RELN: variants seen among roughly 807,000 people sequenced by gnomAD.
RELN encodes reelin.
A neutral mutation model predicts 427.6 loss-of-function variants in RELN; 108 were observed. The observed-to-expected ratio is 0.25, with a 90% CI of 0.22 to 0.30. RELN has a LOEUF of 0.30. RELN is among the 10% of genes least tolerant of loss of function. RELN has a pLI of 1.00. For missense variants in RELN, 3,715 were observed against 4,302.8 expected (o/e 0.86, Z 3.82); for synonymous variants, 1,524 against 1,513.4 (o/e 1.01, Z -0.16).
chr7:103,636,125 T>C lies in RELN; in HGVS notation c.2303+110A>G. ...ACTGTAGGCTCCCTCCAACCCTAGT[T>C]AAAAATGAGATGTCTATCAGAAAAA... On this transcript the variant is annotated intron_variant, in intron 18 of 64. Coordinates refer to ENST00000428762, the MANE Select transcript of RELN (RefSeq NM_005045.4). 4 of 826,184 alleles carry C rather than the reference T, an allele frequency of 4.8e-6. No individual in the cohort carries two copies. The South Asian group carries it at 5.9e-5, about 12-fold the overall frequency. The allele number at this position is 826,184 out of a possible 1,614,324, so 51.2% of individuals were successfully genotyped here.
chr7:103,983,074 T>C (rs1797024631), intron 1 of RELN, among the ~76,000 whole-genome samples: 1 of 152,234 alleles, frequency 6.6e-6, no homozygotes. Flanking sequence ...CTCAGAACGC[T>C]TGTAACTATT....
rs1162694500 is a variant in RELN, at chr7:103,553,539, A to G, written c.5994T>C (p.Phe1998=). ...GAPEEDSAMV[F]VSNEVGEHSI... is the part of the protein sequence containing the mutation. Reference sequence around the variant, plus strand: ...AATGCTCACCAACTTCATTTGAAACAAACACCATAGCTGAATCTTCTTCAC... The same window carrying G: ...AATGCTCACCAACTTCATTTGAAACGAACACCATAGCTGAATCTTCTTCAC... Residue 1998 remains phenylalanine, a synonymous_variant, in exon 40 of 65, where the codon TTT becomes TTC. Transcript: ENST00000428762. The G allele has an allele frequency of 6.2e-7, 1 of 1,614,020 alleles. No individual in the cohort carries two copies. The highest frequency in any genetic ancestry group is 2.2e-5 in the East Asian group (1 of 44,882).
chr7:103,473,645 G>A (rs1399899911), intron 64 of RELN, among the ~76,000 whole-genome samples: 1 of 152,164 alleles, frequency 6.6e-6, no homozygotes. Context: ...ATACATATAT[G>A]CTGTGTGTGA....
At chr7:103,872,031 T>TA (rs143543255) in intron 2 of RELN, among the ~76,000 whole-genome samples, 4 of 63,582 alleles carry the variant, frequency 6.3e-5, no homozygotes, top group Non-Finnish European at 7.8e-5. Flanking sequence ...TATATATATA[T>TA]TTTTCTTTTT....
chr7:103,859,755 T>A (rs1032937011), intron 2 of RELN, among the ~76,000 whole-genome samples: 4 of 151,946 alleles, frequency 2.6e-5, no homozygotes, highest in Non-Finnish European at 5.9e-5. Context: ...AATTATAGAG[T>A]TCCAAGCCTA....
intron 46 of RELN, among the ~76,000 whole-genome samples, chr7:103,534,333 C>T (rs570434678): frequency 2.0e-5 from 3 of 152,250 alleles, no homozygotes; most frequent in African/African-American, 7.2e-5. Context: ...CTATAATTAG[C>T]ACCTAGTTTA....
chr7:103,942,044 C>T (rs1351817451), intron 1 of RELN, among the ~76,000 whole-genome samples: 1 of 151,898 alleles, frequency 6.6e-6, no homozygotes, highest in Non-Finnish European at 1.5e-5. Flanking sequence ...CTGTATTTTA[C>T]ACACTATACA....
chr7:103,697,862 A>G lies in RELN; in HGVS notation c.1134T>C (p.Ala378=). Residue 378 remains alanine (A), a synonymous_variant, in exon 10 of 65, where the codon GCT becomes GCC. Coordinates refer to ENST00000428762, the MANE Select transcript of RELN (RefSeq NM_005045.4). ...TAAAAAGAGCTCTAACCTTAACTGT[A>G]GCTCCTGGGAAGAAAAGCCAGTTGC... ...DTGNWLFFPG[A]TVKHSCQSDG... 1 of 1,613,666 alleles carries G rather than the reference A, an allele frequency of 6.2e-7. No individual in the cohort carries two copies. Among genetic ancestry groups the G allele is most frequent in the Non-Finnish European group, 8.5e-7 (1 of 1,179,726 alleles).
chr7:103,635,955 A>G (rs1832570889), intron 18 of RELN, among the ~76,000 whole-genome samples: 2 of 152,208 alleles, frequency 1.3e-5, no homozygotes, highest in African/African-American at 4.8e-5. Context: ...ATAAAACTAC[A>G]TAAATAATTA....
chr7:103,950,960 G>A (rs1421836934), intron 1 of RELN, among the ~76,000 whole-genome samples: 3 of 152,070 alleles, frequency 2.0e-5, no homozygotes, highest in Non-Finnish European at 4.4e-5. Context: ...ACAGAGTCTC[G>A]CTCTGTCGCC....
intron 6 of RELN, among the ~76,000 whole-genome samples, chr7:103,743,225 C>A (rs1423966327): frequency 2.0e-5 from 3 of 152,148 alleles, no homozygotes; most frequent in African/African-American, 7.2e-5. Flanking sequence ...GAGATTTTGT[C>A]ACTACCAGGC....
At chr7:103,610,668 C>T (rs780721259) in intron 22 of RELN, 27 bp downstream of exon 22, 2 of 1,080,898 alleles carry the variant, frequency 1.9e-6, no homozygotes, top group Non-Finnish European at 2.9e-6. Context: ...GTTAAAGTGA[C>T]AGCCATATCT....
At chr7:103,492,822 T>C (rs532459293) in intron 57 of RELN, among the ~76,000 whole-genome samples, 19 of 152,176 alleles carry the variant, frequency 1.2e-4, no homozygotes, top group East Asian at 7.7e-4. Flanking sequence ...CCCTGAAGAC[T>C]GGGAAGAGTG....
intron 4 of RELN, 22 bp downstream of exon 4, chr7:103,776,535 A>G: frequency 6.2e-7 from 1 of 1,613,608 alleles, no homozygotes; most frequent in South Asian, 1.1e-5. Context: ...CATAACACAA[A>G]CAAATCAAAT....
chr7:103,782,719 A>G (rs1791922374), intron 3 of RELN, among the ~76,000 whole-genome samples: 1 of 152,204 alleles, frequency 6.6e-6, no homozygotes. Flanking sequence ...AAGGAATACA[A>G]AAGTATTTTA....
chr7:103,883,300 T>C (rs1794649301), intron 2 of RELN, among the ~76,000 whole-genome samples: 2 of 152,158 alleles, frequency 1.3e-5, no homozygotes, highest in Admixed American at 1.3e-4. Context: ...ATAAGAACTA[T>C]TTATGACAAA....
intron 2 of RELN, among the ~76,000 whole-genome samples, chr7:103,840,261 C>T (rs1028279468): frequency 3.3e-5 from 5 of 152,226 alleles, no homozygotes; most frequent in African/African-American, 4.8e-5. Flanking sequence ...GCCTGGATTC[C>T]AGTCAGTGCC....
At chr7:103,636,081 G>A (rs1832573261) in intron 18 of RELN, among the ~76,000 whole-genome samples, 154 bp downstream of exon 18, 4 of 152,086 alleles carry the variant, frequency 2.6e-5, no homozygotes, top group African/African-American at 9.7e-5. Flanking sequence ...AAAAACTAGG[G>A]CAAATTAACT....
intron 2 of RELN, among the ~76,000 whole-genome samples, chr7:103,871,730 G>T (rs530321554): frequency 7.8e-4 from 119 of 152,040 alleles, no homozygotes; most frequent in Non-Finnish European, 1.4e-3. Flanking sequence ...AAGAGAATAC[G>T]ATGAGAGAGA....
Sources: gnomAD v4.1 joint callset for allele counts (sites outside exome capture counted in the v4.1 genomes callset) on GRCh38, gnomAD v4.1.1 for gene constraint, MANE v1.5 for transcripts, NCBI Gene and HGNC (gene_info 2026-07-23, HGNC 2026-07-21) for gene names.